The following CNTNAP2 variants were observed in gnomAD, a reference collection of about 807,000 sequenced individuals.
The protein encoded by CNTNAP2 is contactin associated protein 2, also known as contactin-associated protein-like 2.
In CNTNAP2, 98 loss-of-function variants were observed where a neutral mutation model predicts 155.2. That is an observed-to-expected ratio of 0.63 (90% confidence interval 0.54 to 0.75). The LOEUF is 0.75. CNTNAP2 is among the 30% of genes least tolerant of loss of function. CNTNAP2 has a pLI of 0.00. For synonymous variants in CNTNAP2, 651 were observed against 631.2 expected (o/e 1.03, Z -0.47); for missense variants, 1,727 against 1,688.1 (o/e 1.02, Z -0.40).
intron 3 of CNTNAP2, among the ~76,000 whole-genome samples, chr7:146,906,441 G>C (rs976050576): frequency 1.3e-5 from 2 of 152,086 alleles, no homozygotes; most frequent in African/African-American, 2.4e-5. Context: ...CTCCCAGCAC[G>C]CAGCTGGAGA....
chr7:146,486,426 G>GAAT (rs1797060185), intron 1 of CNTNAP2, among the ~76,000 whole-genome samples: 1 of 152,120 alleles, frequency 6.6e-6, no homozygotes, highest in South Asian at 2.1e-4. Flanking sequence ...AGATAATCAT[G>GAAT]CTAGGGTTGT....
chr7:146,485,304 G>A (rs1315916077), intron 1 of CNTNAP2, among the ~76,000 whole-genome samples: 3 of 152,244 alleles, frequency 2.0e-5, no homozygotes, highest in East Asian at 1.9e-4. Flanking sequence ...AGGCAGGCTG[G>A]GAGGGAGGAT....
At chr7:146,156,853 G>A (rs919775031) in intron 1 of CNTNAP2, among the ~76,000 whole-genome samples, 15 of 152,194 alleles carry the variant, frequency 9.9e-5, no homozygotes, top group African/African-American at 1.2e-4. Flanking sequence ...CACCCGCCTC[G>A]ACCTCCCAAA....
intron 3 of CNTNAP2, among the ~76,000 whole-genome samples, chr7:146,953,900 C>T (rs1249558461): frequency 6.6e-6 from 1 of 151,908 alleles, no homozygotes; most frequent in East Asian, 1.9e-4. Flanking sequence ...TATTCTGTTT[C>T]AGCATAGTGT....
intron 1 of CNTNAP2, among the ~76,000 whole-genome samples, chr7:146,694,671 A>G (rs917897078): frequency 1.3e-5 from 2 of 152,154 alleles, no homozygotes; most frequent in East Asian, 3.9e-4. Context: ...CATTCAGTCT[A>G]TAGATTAATT....
intron 3 of CNTNAP2, among the ~76,000 whole-genome samples, chr7:146,959,643 C>T (rs112578591): frequency 0.031 from 4,739 of 150,574 alleles, 113 homozygotes; most frequent in Middle Eastern, 0.082. Flanking sequence ...TCACTTGAAC[C>T]CGAGAGGTAG....
intron 1 of CNTNAP2, chr7:146,311,648 GGAAAGAAAGCAAA>G (rs1310650213): frequency 2.1e-5 from 3 of 141,828 alleles, no homozygotes; most frequent in South Asian, 2.3e-4. Flanking sequence ...ACAGAAATTA[GGAAAGAAAGCAAA>G]GAAAGAAAGG....
intron 1 of CNTNAP2, among the ~76,000 whole-genome samples, chr7:146,149,685 CT>C (rs1798008310): frequency 6.6e-6 from 1 of 151,864 alleles, no homozygotes; most frequent in South Asian, 2.1e-4. Flanking sequence ...ACCTAGAAAA[CT>C]TGGTATCCAT....
rs182716558 is a variant in CNTNAP2 at position 148,338,951 on chromosome 7, C to G, written c.3476-44698C>G. Among the ~76,000 whole-genome samples the G allele has an allele frequency of 9.0e-3, 1,373 of 152,252 alleles. 9 individuals carry two copies. Among genetic ancestry groups the G allele is most frequent in the Non-Finnish European group, 0.012 (823 of 68,028 alleles). Reference sequence around the variant, plus strand: ...AAGGAGGCCACACAGCAGTAGAACCCCGACAGGAAAATCAGAAAACATTAT... The same window carrying G: ...AAGGAGGCCACACAGCAGTAGAACCGCGACAGGAAAATCAGAAAACATTAT... On this transcript the variant is annotated intron_variant, in intron 21 of 23. Transcript: ENST00000361727.
intron 1 of CNTNAP2, among the ~76,000 whole-genome samples, chr7:146,299,475 C>G (rs1324841632): frequency 6.6e-6 from 1 of 152,108 alleles, no homozygotes. Flanking sequence ...CCTAGAACCC[C>G]TGGGCTCAAG....
chr7:146,303,652 G>A (rs890664455), intron 1 of CNTNAP2, among the ~76,000 whole-genome samples: 4 of 152,040 alleles, frequency 2.6e-5, no homozygotes, highest in Non-Finnish European at 5.9e-5. Flanking sequence ...TATAATTTCT[G>A]TTCTTTTACA....
At chr7:148,184,775 A>C (rs932349001) in intron 18 of CNTNAP2, among the ~76,000 whole-genome samples, 1 of 152,244 alleles carries the variant, frequency 6.6e-6, no homozygotes, top group African/African-American at 2.4e-5. Context: ...TCCAATTTCA[A>C]CATTATTAAA....
intron 21 of CNTNAP2, among the ~76,000 whole-genome samples, chr7:148,339,295 T>G (rs1330153487): frequency 6.6e-6 from 1 of 152,070 alleles, no homozygotes; most frequent in Non-Finnish European, 1.5e-5. Context: ...CTGTGTGTAT[T>G]GCCCACGGGT....
At chr7:146,912,010 A>G (rs1796293737) in intron 3 of CNTNAP2, among the ~76,000 whole-genome samples, 1 of 152,054 alleles carries the variant, frequency 6.6e-6, no homozygotes, top group African/African-American at 2.4e-5. Context: ...ATTAAATGAA[A>G]TAAATATTTG....
chr7:147,815,251 A>T (rs565956293), intron 13 of CNTNAP2, among the ~76,000 whole-genome samples: 1 of 152,342 alleles, frequency 6.6e-6, no homozygotes, highest in African/African-American at 2.4e-5. Context: ...ATAGGTCATA[A>T]GTCTGAGTTG....
At chr7:146,687,175 G>T (rs1800615607) in intron 1 of CNTNAP2, among the ~76,000 whole-genome samples, 1 of 152,110 alleles carries the variant, frequency 6.6e-6, no homozygotes. Flanking sequence ...GCTCTCTAAA[G>T]CCACAGAACT....
At chr7:147,745,508 G>C (rs1372538011) in intron 13 of CNTNAP2, among the ~76,000 whole-genome samples, 1 of 152,196 alleles carries the variant, frequency 6.6e-6, no homozygotes, top group East Asian at 1.9e-4. Context: ...ATCTTTAGCA[G>C]AAGACTGAAT....
intron 4 of CNTNAP2, among the ~76,000 whole-genome samples, chr7:147,093,626 A>G (rs1190178852): frequency 6.6e-6 from 1 of 152,162 alleles, no homozygotes; most frequent in African/African-American, 2.4e-5. Flanking sequence ...TTCTGCCCCA[A>G]AACCCCAAAA....
intron 1 of CNTNAP2, among the ~76,000 whole-genome samples, chr7:146,190,431 G>T (rs938338628): frequency 2.0e-5 from 3 of 152,160 alleles, no homozygotes; most frequent in Non-Finnish European, 4.4e-5. Context: ...CAGTGTCTGT[G>T]ATAATTGTAG....
Sources: allele counts gnomAD v4.1 joint callset (sites outside exome capture counted in the v4.1 genomes callset), GRCh38; gene constraint gnomAD v4.1.1; transcripts MANE v1.5; gene names NCBI Gene and HGNC (gene_info 2026-07-23, HGNC 2026-07-21).